Variants in PHF24 observed in about 807,000 individuals in gnomAD.
PHF24 encodes PHD finger protein 24, also known as Galpha inhibitory interacting protein.
Under a neutral mutation model 42.6 loss-of-function variants are expected in PHF24, and 25 were observed. That is an observed-to-expected ratio of 0.59 (90% CI 0.43 to 0.82). The LOEUF is 0.82. PHF24 is among the 40% of genes least tolerant of loss of function. PHF24 has a pLI of 0.00. For missense variants in PHF24, 470 were observed against 538.1 expected (o/e 0.87, Z 1.25); for synonymous variants, 185 against 204.8 (o/e 0.90, Z 0.83).
the PHF24 span, among the ~76,000 whole-genome samples, chr9:34,732,937 C>T: frequency 2.0e-5 from 3 of 152,042 alleles, no homozygotes; most frequent in African/African-American, 2.4e-5. Context: ...ATCCTATATC[C>T]GTGGATATTT....
the PHF24 span, among the ~76,000 whole-genome samples, chr9:34,936,622 A>C: frequency 6.6e-6 from 1 of 150,572 alleles, no homozygotes; most frequent in African/African-American, 2.5e-5. Context: ...CTAGGAAGTG[A>C]GGAGCGCCTC....
At chr9:34,869,719 T>C in the PHF24 span, among the ~76,000 whole-genome samples, 24,241 of 152,128 alleles carry the variant, frequency 0.16, 2,569 homozygotes, top group East Asian at 0.48. Flanking sequence ...TTTTTTTGTT[T>C]GTTTTGTTTT....
At chr9:34,700,017 TG>T in the PHF24 span, among the ~76,000 whole-genome samples, 1 of 152,008 alleles carries the variant, frequency 6.6e-6, no homozygotes, top group Non-Finnish European at 1.5e-5. Flanking sequence ...GCTGACCTGA[TG>T]AAGGTGAGGG....
At chr9:34,822,732 A>G in the PHF24 span, among the ~76,000 whole-genome samples, 1 of 152,338 alleles carries the variant, frequency 6.6e-6, no homozygotes, top group South Asian at 2.1e-4. Flanking sequence ...CAGTTCCTAA[A>G]TAGGATATCA....
chr9:34,701,228 T>A, the PHF24 span, among the ~76,000 whole-genome samples: 1 of 151,974 alleles, frequency 6.6e-6, no homozygotes. This position sits in a 1 kb window ranked among gnomAD's most constrained non-coding sequence, Gnocchi z 5.8. Flanking sequence ...AATGCGCGCG[T>A]ACTAGCCATT....
At chr9:34,712,826 C>T in the PHF24 span, among the ~76,000 whole-genome samples, 1 of 152,242 alleles carries the variant, frequency 6.6e-6, no homozygotes, top group East Asian at 1.9e-4. Context: ...ATTTCAGCTT[C>T]TCACCCTTAT....
At chr9:34,871,733 C>CTAT in the PHF24 span, among the ~76,000 whole-genome samples, 1,880 of 152,260 alleles carry the variant, frequency 0.012, 31 homozygotes, top group South Asian at 0.049. Flanking sequence ...TCTGGGCTCT[C>CTAT]TATTCTGTTC....
At chr9:34,723,160 A>C in the PHF24 span, 1 of 1,480,292 alleles carries the variant, frequency 6.8e-7, no homozygotes, top group Non-Finnish European at 9.0e-7. Flanking sequence ...GGGAGCCTAT[A>C]AACTCTTTTT....
chr9:34,895,497 G>T, the PHF24 span: 2 of 398,198 alleles, frequency 5.0e-6, no homozygotes, highest in Non-Finnish European at 8.9e-6. Context: ...AAAAGCAAGG[G>T]CTAAGAGTAA....
the PHF24 span, chr9:34,894,393 TCA>T: frequency 5.0e-6 from 2 of 398,426 alleles, no homozygotes; most frequent in Non-Finnish European, 8.8e-6. Flanking sequence ...TGAGAAATGA[TCA>T]CAGACCAGAC....
upstream of PHF24, among the ~76,000 whole-genome samples, chr9:34,955,294 C>T (rs1826344871): frequency 6.8e-6 from 1 of 147,162 alleles, no homozygotes; most frequent in East Asian, 2.0e-4. Context: ...ATATTTTTGG[C>T]ATATGTTTGC....
chr9:34,833,268 C>T, the PHF24 span: 178 of 1,550,856 alleles, frequency 1.1e-4, 1 homozygote, highest in Middle Eastern at 1.7e-4. Context: ...CTGGCCTCTA[C>T]CTGAACACAA....
At chr9:34,945,025 G>A in the PHF24 span, among the ~76,000 whole-genome samples, 1 of 152,200 alleles carries the variant, frequency 6.6e-6, no homozygotes, top group Admixed American at 6.5e-5. Context: ...CAGCTTAGTA[G>A]TAGCCAGCCA....
At chr9:34,870,176 C>A in the PHF24 span, among the ~76,000 whole-genome samples, 4 of 152,142 alleles carry the variant, frequency 2.6e-5, no homozygotes, top group South Asian at 6.2e-4. Flanking sequence ...CACTACAGTC[C>A]TAAACTTGTT....
the PHF24 span, among the ~76,000 whole-genome samples, chr9:34,915,026 C>CTTT: frequency 7.5e-4 from 28 of 37,446 alleles, no homozygotes; most frequent in East Asian, 1.4e-3. Flanking sequence ...TTTTTCTTTT[C>CTTT]TTTTTTTTTT....
At chr9:34,709,258 G>A in the PHF24 span, 19 of 1,072,746 alleles carry the variant, frequency 1.8e-5, no homozygotes, top group Non-Finnish European at 2.7e-5. Flanking sequence ...TAAAGCAGGA[G>A]AAAGAGTGTG....
the PHF24 span, among the ~76,000 whole-genome samples, chr9:34,770,752 G>C: frequency 1.3e-5 from 2 of 150,386 alleles, no homozygotes; most frequent in East Asian, 3.9e-4. Context: ...TTTTGAAACC[G>C]TGTGAGTGTA....
chr9:34,787,854 A>G, the PHF24 span, among the ~76,000 whole-genome samples: 1 of 152,184 alleles, frequency 6.6e-6, no homozygotes, highest in South Asian at 2.1e-4. Flanking sequence ...AAGCAATCCA[A>G]TAACAATTTT....
the PHF24 span, chr9:34,837,309 T>A: frequency 2.8e-6 from 1 of 352,966 alleles, no homozygotes; most frequent in South Asian, 2.3e-5. Flanking sequence ...TGCCCATTCT[T>A]ATTTGACTTT....
Sources: gnomAD v4.1 joint callset for allele counts (sites outside exome capture counted in the v4.1 genomes callset) on GRCh38, gnomAD v4.1.1 for gene constraint, Gnocchi (gnomAD v3.1) non-coding constraint, MANE v1.5 for transcripts, NCBI Gene and HGNC (gene_info 2026-07-23, HGNC 2026-07-21) for gene names.